The following SPADH variants were observed in gnomAD, a reference collection of about 807,000 sequenced individuals.
SPADH encodes CUB domain-containing protein.
At chr10:122,674,098 C>T in the SPADH span, among the ~76,000 whole-genome samples, 1 of 152,196 alleles carries the variant, frequency 6.6e-6, no homozygotes, top group Non-Finnish European at 1.5e-5. Context: ...TCAAGAGACA[C>T]AAAGACAACT....
the SPADH span, among the ~76,000 whole-genome samples, chr10:122,674,014 G>C: frequency 6.6e-6 from 1 of 152,198 alleles, no homozygotes; most frequent in East Asian, 1.9e-4. Context: ...TAGGGCAACT[G>C]GTCATAGGAA....
chr10:122,678,774 T>C, the SPADH span: 8 of 266,212 alleles, frequency 3.0e-5, no homozygotes, highest in East Asian at 3.6e-4. Context: ...TGTGGATTCA[T>C]TGGTGGAGGG....
At chr10:122,675,703 C>G in the SPADH span, 1 of 945,582 alleles carries the variant, frequency 1.1e-6, no homozygotes, top group Non-Finnish European at 1.3e-6. Flanking sequence ...CCCTCTTTCC[C>G]TTGCCTCACA....
At chr10:122,676,853 C>G in the SPADH span, 1 of 985,140 alleles carries the variant, frequency 1.0e-6, no homozygotes, top group Non-Finnish European at 1.2e-6. Context: ...TCGAGTTGAA[C>G]CCCGGGGAGA....
At chr10:122,679,005 T>G in the SPADH span, 1 of 985,330 alleles carries the variant, frequency 1.0e-6, no homozygotes, top group South Asian at 4.7e-5. Context: ...CCACCCACCT[T>G]CTTTGAAATA....
At chr10:122,678,093 G>A in the SPADH span, among the ~76,000 whole-genome samples, 20 of 152,294 alleles carry the variant, frequency 1.3e-4, no homozygotes, top group South Asian at 4.1e-3. Flanking sequence ...AGTCAGCCCT[G>A]TGTGTGTCCT....
the SPADH span, among the ~76,000 whole-genome samples, chr10:122,673,670 C>T: frequency 6.6e-6 from 1 of 152,150 alleles, no homozygotes; most frequent in African/African-American, 2.4e-5. Context: ...CCTCATTCTC[C>T]CCACCTTCTT....
chr10:122,674,269 G>A, the SPADH span, among the ~76,000 whole-genome samples: 2 of 152,186 alleles, frequency 1.3e-5, no homozygotes, highest in East Asian at 3.9e-4. Context: ...TTCCATTCAA[G>A]CAAATTTAGA....
At chr10:122,677,657 C>T in the SPADH span, among the ~76,000 whole-genome samples, 1 of 152,164 alleles carries the variant, frequency 6.6e-6, no homozygotes, top group Admixed American at 6.5e-5. Context: ...CAAACACAGC[C>T]CACAATGGTG....
chr10:122,677,986 A>G, the SPADH span, among the ~76,000 whole-genome samples: 4 of 151,954 alleles, frequency 2.6e-5, no homozygotes, highest in Admixed American at 6.6e-5. Context: ...ACATTTTCCC[A>G]TATTGTCCCT....
At chr10:122,673,009 T>G in the SPADH span, 1 of 848,358 alleles carries the variant, frequency 1.2e-6, no homozygotes, top group Non-Finnish European at 1.4e-6. Context: ...ATTTGCTTAT[T>G]GCCAAGGAAG....
chr10:122,678,594 G>C, the SPADH span, among the ~76,000 whole-genome samples: 1 of 152,190 alleles, frequency 6.6e-6, no homozygotes, highest in South Asian at 2.1e-4. Context: ...GGAAGACATG[G>C]AAACCATGAG....
At chr10:122,676,499 G>A in the SPADH span, among the ~76,000 whole-genome samples, 2 of 152,146 alleles carry the variant, frequency 1.3e-5, no homozygotes, top group Admixed American at 1.3e-4. Flanking sequence ...TTTAGTAAGG[G>A]GAGTTAAGTT....
the SPADH span, among the ~76,000 whole-genome samples, chr10:122,677,640 A>T: frequency 6.6e-6 from 1 of 152,220 alleles, no homozygotes; most frequent in Admixed American, 6.5e-5. Flanking sequence ...TCAATTCCAG[A>T]CCAAGCCAAA....
the SPADH span, among the ~76,000 whole-genome samples, chr10:122,677,679 T>C: frequency 1.1e-4 from 16 of 152,304 alleles, no homozygotes; most frequent in South Asian, 2.7e-3. Flanking sequence ...ATGAGACAGA[T>C]GGTGGAACTG....
chr10:122,675,670 G>A, the SPADH span: 1 of 983,402 alleles, frequency 1.0e-6, no homozygotes, highest in Non-Finnish European at 1.2e-6. Context: ...ATTTGCCACA[G>A]GTAAATGCAG....
chr10:122,679,138 G>A, the SPADH span: 35 of 410,666 alleles, frequency 8.5e-5, no homozygotes, highest in African/African-American at 6.1e-4. Flanking sequence ...CTATACCTGG[G>A]ACTGCAGAAA....
At chr10:122,675,797 G>T in the SPADH span, 1 of 224,710 alleles carries the variant, frequency 4.5e-6, no homozygotes, top group African/African-American at 2.3e-5. Flanking sequence ...AAAAGGACTT[G>T]GTAATTGGAT....
chr10:122,673,026 A>G, the SPADH span: 1 of 598,676 alleles, frequency 1.7e-6, no homozygotes, highest in East Asian at 1.4e-4. Context: ...GAAGAAGCCC[A>G]TGGCTGATTA....
Sources: gnomAD v4.1 joint callset for allele counts (sites outside exome capture counted in the v4.1 genomes callset) on GRCh38, gnomAD v4.1.1 for gene constraint, MANE v1.5 for transcripts, NCBI Gene and HGNC (gene_info 2026-07-23, HGNC 2026-07-21) for gene names.